CYP2B6: variants seen among roughly 807,000 people sequenced by gnomAD.
The protein encoded by CYP2B6 is cytochrome P450 family 2 subfamily B member 6, also known as cytochrome P450 2B6.
In CYP2B6, 35 loss-of-function variants were observed where a neutral mutation model predicts 43.4. The observed-to-expected ratio is 0.81, with a 90% CI of 0.62 to 1.07. The LOEUF (loss-of-function observed/expected upper bound fraction) is 1.07, where lower values mean the gene tolerates loss of function less well. Among genes scored for constraint, CYP2B6 ranks in the 50% least tolerant of loss-of-function variants. The pLI is 0.00. For missense variants in CYP2B6, 624 were observed against 632.8 expected (o/e 0.99, Z 0.15); for synonymous variants, 239 against 239.2 (o/e 1.00, Z 0.01).
In CYP2B6 at chr19:41,004,310, C is replaced by G; in HGVS notation, c.348C>G (p.Ala116=). 2 of 1,613,888 alleles carry G rather than the reference C, an allele frequency of 1.2e-6. No individual in the cohort carries two copies. The highest frequency in any genetic ancestry group is 1.7e-6 in the Non-Finnish European group (2 of 1,180,018). ...CCTGCACCCCAGGTGTGATCTTTGC[C>G]AATGGAAACCGCTGGAAGGTGCTTC... ...PFFRGYGVIF[A]NGNRWKVLRR... Residue 116 remains alanine, a synonymous_variant, in exon 3 of 9, where the codon GCC becomes GCG. Transcript: ENST00000324071.
chr19:41,009,981 ACT>A lies in CYP2B6; in HGVS notation c.823-12_823-11del. ...CCCCTGACCCTCCCCTTCCTTCCCTACTGTGGACGCAGGAGAAATCCAACGCA... is the reference window on the plus strand; with the variant it reads ...CCCCTGACCCTCCCCTTCCTTCCCTAGTGGACGCAGGAGAAATCCAACGCA... On this transcript the variant is annotated splice_polypyrimidine_tract_variant and intron_variant, in intron 5 of 8. Coordinates refer to ENST00000324071, the MANE Select transcript of CYP2B6 (RefSeq NM_000767.5). 1.2e-6 allele frequency: 2 copies of A among 1,613,962 alleles called. No homozygotes were observed. Among genetic ancestry groups the A allele is most frequent in the South Asian group, 2.2e-5 (2 of 91,066 alleles).
intron 1 of CYP2B6, among the ~76,000 whole-genome samples, chr19:41,000,586 TC>T (rs1369805248): frequency 6.6e-6 from 1 of 152,176 alleles, no homozygotes; most frequent in African/African-American, 2.4e-5. Context: ...TTCATCATTT[TC>T]CATGTGTGAC....
intron 3 of CYP2B6, among the ~76,000 whole-genome samples, chr19:41,005,790 T>A (rs941910130): frequency 6.6e-6 from 1 of 150,788 alleles, no homozygotes; most frequent in Non-Finnish European, 1.5e-5. Context: ...CCAAAAATAA[T>A]AATAATAATA....
chr19:41,005,115 G>A (rs1291444978), intron 3 of CYP2B6, among the ~76,000 whole-genome samples: 2 of 152,170 alleles, frequency 1.3e-5, no homozygotes, highest in Non-Finnish European at 2.9e-5. Flanking sequence ...ATAATGAACT[G>A]TGTTTTCCTT....
In CYP2B6 at chr19:41,009,762, C is replaced by T. The variant is rs1302150842; in HGVS notation, c.823-232C>T. On this transcript the variant is annotated intron_variant, in intron 5 of 8. Transcript: ENST00000324071. ...AGACGGGGACAAAAAGAGAGAAACA[C>T]ATCAAAGAGATGTGGAGAGAGATAG... The T allele has an allele frequency of 3.5e-5, 21 of 605,686 alleles. No homozygotes were observed. In the East Asian group the frequency reaches 4.5e-4, roughly 13 times the overall value. 37.5% of individuals were successfully genotyped at this position (605,686 alleles called of 1,614,324 possible). A position where few individuals can be genotyped will look rare whatever the true frequency, so the allele number is the denominator to read the frequency against.
At chr19:40,995,325 C>T (rs1244563559) in intron 1 of CYP2B6, among the ~76,000 whole-genome samples, 1 of 152,126 alleles carries the variant, frequency 6.6e-6, no homozygotes, top group African/African-American at 2.4e-5. Context: ...AGGGTCCTTT[C>T]CAATGGAGAG....
chr19:40,999,589 G>T (rs1023677343), intron 1 of CYP2B6, among the ~76,000 whole-genome samples: 2 of 152,046 alleles, frequency 1.3e-5, no homozygotes, highest in African/African-American at 4.8e-5. Context: ...ATCTTGAATT[G>T]ATTTTGTATA....
In CYP2B6 at chr19:40,991,428, A is replaced by G. The variant is rs2144653946; in HGVS notation, c.123A>G (p.Gly41=). ...PPGPRPLPLL[G]NLLQMDRRGL... ...GGCCCCGCCCTCTGCCCCTTTTGGG[A>G]AACCTTCTGCAGATGGATAGAAGAG... Residue 41 remains glycine, a synonymous_variant, in exon 1 of 9, where the codon GGA becomes GGG. Coordinates refer to ENST00000324071, the MANE Select transcript of CYP2B6 (RefSeq NM_000767.5). 2 of 1,614,020 alleles carry G rather than the reference A, an allele frequency of 1.2e-6. No individual in the cohort carries two copies. Among genetic ancestry groups the G allele is most frequent in the Non-Finnish European group, 1.7e-6 (2 of 1,180,016 alleles).
chr19:41,007,145 G>C, intron 4 of CYP2B6, 80 bp downstream of exon 4: 2 of 1,414,912 alleles, frequency 1.4e-6, no homozygotes, highest in Non-Finnish European at 2.0e-6. Flanking sequence ...GACCTGTCTT[G>C]GGGGCTCAGA....
At chr19:41,016,399 C>CAAAAAAAAAAAAAAAAAA (rs869180190) in intron 8 of CYP2B6, among the ~76,000 whole-genome samples, 2 of 76,856 alleles carry the variant, frequency 2.6e-5, no homozygotes, top group Non-Finnish European at 5.5e-5. Context: ...GACTCCATCT[C>CAAAAAAAAAAAAAAAAAA]AAAAAAAAAA....
chr19:40,997,522 C>G (rs971180603), intron 1 of CYP2B6, among the ~76,000 whole-genome samples: 36 of 151,882 alleles, frequency 2.4e-4, no homozygotes, highest in Non-Finnish European at 4.9e-4. Flanking sequence ...AGTATATATG[C>G]CAATACTACT....
At chr19:40,997,622 CACTT>C (rs1176193848) in intron 1 of CYP2B6, among the ~76,000 whole-genome samples, 1 of 152,080 alleles carries the variant, frequency 6.6e-6, no homozygotes, top group African/African-American at 2.4e-5. Context: ...TTATCTTAGA[CACTT>C]AGTCAAAACA....
intron 1 of CYP2B6, among the ~76,000 whole-genome samples, chr19:40,999,657 A>G (rs185205035): frequency 2.4e-4 from 36 of 152,168 alleles, no homozygotes; most frequent in Non-Finnish European, 3.7e-4. Context: ...TAGAAAGTGG[A>G]GGCTTGTCTG....
chr19:41,013,892 G>A (rs1335154927), intron 8 of CYP2B6, among the ~76,000 whole-genome samples: 2 of 152,226 alleles, frequency 1.3e-5, no homozygotes, highest in African/African-American at 4.8e-5. Flanking sequence ...CTGAGGTACT[G>A]AAACAGCCTG....
intron 1 of CYP2B6, among the ~76,000 whole-genome samples, chr19:41,000,590 T>C (rs1172032230): frequency 1.3e-5 from 2 of 152,182 alleles, no homozygotes; most frequent in Admixed American, 1.3e-4. Flanking sequence ...TCATTTTCCA[T>C]GTGTGACAAG....
chr19:41,011,497 T>C (rs552006150), intron 6 of CYP2B6, among the ~76,000 whole-genome samples: 203 of 152,350 alleles, frequency 1.3e-3, no homozygotes, highest in African/African-American at 4.7e-3. Flanking sequence ...CATTTATTCA[T>C]CAATCTTTCC....
intron 1 of CYP2B6, among the ~76,000 whole-genome samples, chr19:40,997,053 C>G (rs1002701416): frequency 2.6e-5 from 4 of 151,896 alleles, no homozygotes; most frequent in Non-Finnish European, 5.9e-5. Flanking sequence ...TCTGTTACAT[C>G]CTGGGTACCT....
intron 3 of CYP2B6, among the ~76,000 whole-genome samples, chr19:41,004,712 G>C (rs148561862): frequency 6.8e-4 from 103 of 152,150 alleles, no homozygotes; most frequent in African/African-American, 2.3e-3. Flanking sequence ...AAAGAGGCTG[G>C]ATGTGATGAC....
rs1414487086 is a variant in CYP2B6 at position 41,017,080 on chromosome 19, T to C, written c.*253T>C. ...TTTTTTGAGACAGAGTCTCACACTG[T>C]TGCCCAGGCTGGAGTGCAGTGGCGT... On this transcript the variant is annotated 3_prime_UTR_variant, in exon 9 of 9. Coordinates refer to ENST00000324071, the MANE Select transcript of CYP2B6 (RefSeq NM_000767.5). 5 of 279,976 alleles carry C rather than the reference T, an allele frequency of 1.8e-5. No homozygotes were observed. The highest frequency in any genetic ancestry group is 3.4e-5 in the Non-Finnish European group (5 of 145,220). The allele number at this position is 279,976 out of a possible 1,614,324, so 17.3% of individuals were successfully genotyped here.
Sources: gnomAD v4.1 joint callset for allele counts (sites outside exome capture counted in the v4.1 genomes callset) on GRCh38, gnomAD v4.1.1 for gene constraint, MANE v1.5 for transcripts, NCBI Gene and HGNC (gene_info 2026-07-23, HGNC 2026-07-21) for gene names.